Variants in ARHGAP26 observed in about 807,000 individuals in gnomAD.
The protein encoded by ARHGAP26 is Rho GTPase activating protein 26.
A neutral mutation model predicts 104.8 loss-of-function variants in ARHGAP26; 38 were observed. The ratio of observed to expected loss-of-function variants is 0.36; its 90% CI spans 0.28 to 0.48. ARHGAP26 has a LOEUF of 0.48. Ranked by LOEUF, ARHGAP26 falls within the 20% of genes least tolerant of loss-of-function variation. The probability of loss-of-function intolerance (pLI) is 0.99; values close to 1 mark genes in which losing one functional copy is unlikely to be tolerated. For synonymous variants in ARHGAP26, 341 were observed against 340.0 expected, an observed-to-expected ratio of 1.00 and a Z score of -0.03; for missense variants, 704 against 947.9, an observed-to-expected ratio of 0.74 and a Z score of 3.38.
intron 19 of ARHGAP26, among the ~76,000 whole-genome samples, chr5:143,145,688 A>G (rs1799067440): frequency 6.6e-6 from 1 of 152,156 alleles, no homozygotes; most frequent in Non-Finnish European, 1.5e-5. Context: ...GAAGCTCTTA[A>G]AATATGAACA....
intron 20 of ARHGAP26, among the ~76,000 whole-genome samples, chr5:143,190,034 GGAA>G (rs1025981034): frequency 5.4e-5 from 5 of 92,320 alleles, no homozygotes; most frequent in African/African-American, 2.9e-4. Flanking sequence ...AGGAGGGGGG[GGAA>G]AAAAAAAAAA....
intron 18 of ARHGAP26, among the ~76,000 whole-genome samples, chr5:143,133,750 G>A (rs555336826): frequency 6.6e-6 from 1 of 152,298 alleles, no homozygotes; most frequent in African/African-American, 2.4e-5. Context: ...ATGGAAGTGG[G>A]TGGTTATCAA....
intron 9 of ARHGAP26, among the ~76,000 whole-genome samples, chr5:142,911,818 T>G (rs1437760969): frequency 6.6e-6 from 1 of 152,218 alleles, no homozygotes; most frequent in East Asian, 1.9e-4. Context: ...CTCTTATGTT[T>G]GGGTGTTTGC....
At chr5:142,892,855 T>C (rs1276606259) in intron 5 of ARHGAP26, among the ~76,000 whole-genome samples, 1 of 152,174 alleles carries the variant, frequency 6.6e-6, no homozygotes, top group African/African-American at 2.4e-5. Flanking sequence ...TTATGAAATA[T>C]ACACCGTACA....
In ARHGAP26 at chr5:142,770,843, G is replaced by C; in HGVS notation, c.82G>C (p.Glu28Gln). 1 of 1,612,368 alleles carries C rather than the reference G, an allele frequency of 6.2e-7. No homozygotes were observed. Among genetic ancestry groups the C allele is most frequent in the Non-Finnish European group, 8.5e-7 (1 of 1,179,138 alleles). Residue 28 changes from glutamate (E) to glutamine (Q), a missense_variant, in exon 1 of 23, where the codon GAG (glutamate) becomes CAG (glutamine). Coordinates refer to ENST00000645722, the MANE Select transcript of ARHGAP26 (RefSeq NM_001135608.3). ...AGAGACGCTCAAGTCGCACGAAGCAGAGCTGGACAAGACCAACAAATTCAT... is the reference window on the plus strand; with the variant it reads ...AGAGACGCTCAAGTCGCACGAAGCACAGCTGGACAAGACCAACAAATTCAT... Reference protein sequence around the residue: ...FRETLKSHEAELDKTNKFIKE... With the variant: ...FRETLKSHEAQLDKTNKFIKE...
At position 142,874,875 on chromosome 5, in the gene ARHGAP26, C is replaced by G. The variant is rs75808051; in HGVS notation, c.251-235C>G. The G allele has an allele frequency of 2.9e-3, 1,473 of 512,592 alleles. 17 individuals are homozygous for G. Among genetic ancestry groups the G allele is most frequent in the African/African-American group, 0.026 (1,344 of 51,704 alleles). The allele number at this position is 512,592 out of a possible 1,614,324, so 31.8% of individuals were successfully genotyped here. On this transcript the variant is annotated intron_variant, in intron 2 of 22. Coordinates refer to ENST00000645722, the MANE Select transcript of ARHGAP26 (RefSeq NM_001135608.3). ...TGGATACTCTCAGGAACAGGCAGATCTTTTCCTTGAAGAAATCATTCCCTA... is the reference window on the plus strand; with the variant it reads ...TGGATACTCTCAGGAACAGGCAGATGTTTTCCTTGAAGAAATCATTCCCTA...
At chr5:143,092,543 T>C (rs918625673) in intron 17 of ARHGAP26, among the ~76,000 whole-genome samples, 3 of 148,898 alleles carry the variant, frequency 2.0e-5, no homozygotes, top group Non-Finnish European at 3.0e-5. Flanking sequence ...ACATAAATTC[T>C]CCCCCCCCCA....
At chr5:142,795,404 T>C (rs764626502) in intron 1 of ARHGAP26, among the ~76,000 whole-genome samples, 10 of 152,208 alleles carry the variant, frequency 6.6e-5, no homozygotes, top group Non-Finnish European at 1.3e-4. Context: ...TCTAATGGTC[T>C]TTGTAATCTC....
At chr5:143,173,030 C>T (rs556097758) in intron 20 of ARHGAP26, 6 of 179,064 alleles carry the variant, frequency 3.4e-5, no homozygotes, top group Admixed American at 1.3e-4. Flanking sequence ...GGTAGTATTC[C>T]GTGTACGTGA....
chr5:143,023,237 C>T (rs544898150), intron 12 of ARHGAP26, among the ~76,000 whole-genome samples: 1 of 152,270 alleles, frequency 6.6e-6, no homozygotes, highest in South Asian at 2.1e-4. Context: ...TTCAGGTTTG[C>T]CTTGTTTTAT....
chr5:142,843,218 G>A, intron 1 of ARHGAP26, among the ~76,000 whole-genome samples: 1 of 152,212 alleles, frequency 6.6e-6, no homozygotes, highest in East Asian at 1.9e-4. Context: ...CTGGGACCCA[G>A]GCATGCTCCC....
chr5:143,067,454 T>C lies in ARHGAP26; in HGVS notation c.1538+9707T>C, dbSNP rs546062326. Reference sequence around the variant, plus strand: ...TGCCTATATTCAGCTTCATTCTGTTTTGGTAGATATTTTTTCACTTTTGCA... The same window carrying C: ...TGCCTATATTCAGCTTCATTCTGTTCTGGTAGATATTTTTTCACTTTTGCA... On this transcript the variant is annotated intron_variant, in intron 17 of 22. Transcript: ENST00000645722. Among the ~76,000 whole-genome samples, 3 of 152,338 alleles carry C rather than the reference T, an allele frequency of 2.0e-5. No homozygotes were observed. In the East Asian group the frequency reaches 5.8e-4, roughly 29 times the overall value.
intron 17 of ARHGAP26, among the ~76,000 whole-genome samples, chr5:143,082,084 G>A (rs1018734579): frequency 3.3e-5 from 5 of 150,662 alleles, no homozygotes; most frequent in South Asian, 2.1e-4. Flanking sequence ...TGCTGGGGAC[G>A]TTTGAGAGTT....
intron 11 of ARHGAP26, among the ~76,000 whole-genome samples, chr5:142,954,989 G>T (rs1036544965): frequency 6.6e-6 from 1 of 152,120 alleles, no homozygotes; most frequent in Non-Finnish European, 1.5e-5. Flanking sequence ...ATTATAAAAT[G>T]CATTCTGGGC....
At chr5:143,012,998 T>A (rs2152816746) in intron 11 of ARHGAP26, among the ~76,000 whole-genome samples, 1 of 152,224 alleles carries the variant, frequency 6.6e-6, no homozygotes, top group East Asian at 1.9e-4. Flanking sequence ...TGTTTAATTA[T>A]GACAGCATAT....
chr5:143,166,172 A>G, intron 20 of ARHGAP26: 1 of 1,090,826 alleles, frequency 9.2e-7, no homozygotes, highest in Non-Finnish European at 1.2e-6. Flanking sequence ...CCCCTAACTC[A>G]TCTAGAACAA....
At chr5:143,102,027 GT>G (rs956387655) in intron 17 of ARHGAP26, among the ~76,000 whole-genome samples, 4 of 151,978 alleles carry the variant, frequency 2.6e-5, no homozygotes, top group East Asian at 1.9e-4. Flanking sequence ...CCTGCAGCAT[GT>G]TTTTTTTGTA....
chr5:142,964,483 C>G (rs568112473), intron 11 of ARHGAP26, among the ~76,000 whole-genome samples: 1 of 152,128 alleles, frequency 6.6e-6, no homozygotes, highest in South Asian at 2.1e-4. Context: ...TTGTTAAGTT[C>G]TAGCTAGATA....
intron 14 of ARHGAP26, among the ~76,000 whole-genome samples, chr5:143,049,200 T>C (rs182163022): frequency 1.4e-3 from 211 of 152,284 alleles, no homozygotes; most frequent in Admixed American, 3.3e-3. Context: ...TCTCAATCTT[T>C]TAAACACACC....
Sources: gnomAD v4.1 joint callset for allele counts (sites outside exome capture counted in the v4.1 genomes callset) on GRCh38, gnomAD v4.1.1 for gene constraint, MANE v1.5 for transcripts, NCBI Gene and HGNC (gene_info 2026-07-23, HGNC 2026-07-21) for gene names.